PPRC1: variants seen among roughly 807,000 people sequenced by gnomAD.
PPRC1 encodes peroxisome proliferator-activated receptor gamma coactivator-related protein 1.
Under a neutral mutation model 132.5 loss-of-function variants are expected in PPRC1, and 23 were observed. The observed-to-expected ratio is 0.17, with a 90% CI of 0.12 to 0.25. The LOEUF (loss-of-function observed/expected upper bound fraction) is 0.25, where lower values mean the gene tolerates loss of function less well. Ranked by LOEUF, PPRC1 falls within the 10% of genes least tolerant of loss-of-function variation. The probability of loss-of-function intolerance (pLI) is 1.00; values close to 1 mark genes in which losing one functional copy is unlikely to be tolerated. For missense variants in PPRC1, 2,006 were observed against 2,089.1 expected (o/e 0.96, Z 0.78); for synonymous variants, 872 against 833.5 (o/e 1.05, Z -0.80).
the PPRC1 span, among the ~76,000 whole-genome samples, chr10:102,127,073 T>TA: frequency 2.6e-5 from 2 of 75,780 alleles, no homozygotes; most frequent in South Asian, 8.0e-4. Context: ...ATATATAAAT[T>TA]AAAAAAAAAT....
upstream of PPRC1, among the ~76,000 whole-genome samples, chr10:102,131,974 ATAATT>A (rs1219083063): frequency 6.6e-6 from 1 of 152,246 alleles, no homozygotes; most frequent in Middle Eastern, 3.2e-3. Context: ...CAACTTCAAT[ATAATT>A]TAAATAACAA....
intron 1 of PPRC1, among the ~76,000 whole-genome samples, chr10:102,135,993 T>C (rs904280804): frequency 6.6e-6 from 1 of 152,052 alleles, no homozygotes; most frequent in Non-Finnish European, 1.5e-5. Context: ...GGACACCTGA[T>C]GGAGGTGAAG....
intron 13 of PPRC1, 64 bp downstream of exon 13, chr10:102,149,393 C>G: frequency 6.7e-7 from 1 of 1,481,824 alleles, no homozygotes; most frequent in Non-Finnish European, 9.0e-7. Context: ...GGTTCCTAAC[C>G]CTTTGTGAGT....
At position 102,148,350 on chromosome 10, in the gene PPRC1, T is replaced by C. The variant is rs776767959; in HGVS notation, c.4401-22T>C. On this transcript the variant is annotated intron_variant, in intron 9 of 13. Transcript: ENST00000278070. The surrounding 1 kb of genome is among the most constrained non-coding windows in gnomAD (Gnocchi z 4.2). ...ATACCTGAACCACTCCCAGCATTCCTGCATGCCCTCTTATCCTTCAGGTCC... is the reference window on the plus strand; with the variant it reads ...ATACCTGAACCACTCCCAGCATTCCCGCATGCCCTCTTATCCTTCAGGTCC... 2.5e-6 allele frequency: 4 copies of C among 1,610,964 alleles called. No homozygotes were observed. Among genetic ancestry groups the C allele is most frequent in the South Asian group, 1.1e-5 (1 of 90,776 alleles).
rs751353952 is a variant in PPRC1, at chr10:102,138,663, G to A, written c.387G>A (p.Thr129=). Residue 129 remains threonine, a synonymous_variant, in exon 3 of 14, where the codon ACG becomes ACA. Coordinates refer to ENST00000278070, the MANE Select transcript of PPRC1 (RefSeq NM_015062.5). ...ACCAGAATGAAGTGTCGCTGCTCAC[G>A]GCTCTGACGGAGATCTTGGACAATG... ...LEDQNEVSLL[T]ALTEILDNAD... The A allele has an allele frequency of 6.2e-6, 10 of 1,614,208 alleles. No homozygotes were observed. In the South Asian group the frequency reaches 8.8e-5, roughly 14 times the overall value.
At chr10:102,142,936 G>C in intron 5 of PPRC1, 109 bp from the exon 6 acceptor site, 2 of 943,522 alleles carry the variant, frequency 2.1e-6, no homozygotes, top group Admixed American at 4.4e-5. Flanking sequence ...TTAGTACAGA[G>C]GGCAGGGGGA....
chr10:102,141,040 T>C lies in PPRC1; in HGVS notation c.2532T>C (p.Thr844=). The C allele has an allele frequency of 6.2e-7, 1 of 1,614,176 alleles. No homozygotes were observed. Among genetic ancestry groups the C allele is most frequent in the Non-Finnish European group, 8.5e-7 (1 of 1,180,026 alleles). Residue 844 remains threonine (T), a synonymous_variant, in exon 5 of 14, where the codon ACT becomes ACC. Coordinates refer to ENST00000278070, the MANE Select transcript of PPRC1 (RefSeq NM_015062.5). ...PVSKPVASSP[T]EQVPSQEMPL... ...GCAAACCTGTGGCCTCATCTCCCAC[T>C]GAGCAGGTGCCATCCCAGGAGATGC...
chr10:102,125,213 C>T, the PPRC1 span, among the ~76,000 whole-genome samples: 1 of 151,984 alleles, frequency 6.6e-6, no homozygotes, highest in African/African-American at 2.4e-5. Context: ...GCCTCAGCCT[C>T]CCAAGTAGCT....
In PPRC1 at chr10:102,145,014, C is replaced by A; in HGVS notation, c.3609-6C>A. On this transcript the variant is annotated splice_region_variant and splice_polypyrimidine_tract_variant and intron_variant, in intron 7 of 13. Transcript: ENST00000278070. ...AATCAGGCTTTCCCTTTTCCCCCCCCGCCAGCGGCGTTGACATTCCCCAGG... is the reference window on the plus strand; with the variant it reads ...AATCAGGCTTTCCCTTTTCCCCCCCAGCCAGCGGCGTTGACATTCCCCAGG... The A allele has an allele frequency of 6.4e-7, 1 of 1,565,830 alleles. No homozygotes were observed. The highest frequency in any genetic ancestry group is 8.7e-7 in the Non-Finnish European group (1 of 1,154,896).
At chr10:102,128,713 CCT>C (rs1228891947), upstream of PPRC1, among the ~76,000 whole-genome samples, 2 of 148,708 alleles carry the variant, frequency 1.3e-5, no homozygotes. Context: ...CCTGGGTTCA[CCT>C]GCCATTCTCC....
In PPRC1 at chr10:102,150,076, ACCT is replaced by A. The variant is rs778966263; in HGVS notation, c.*53_*55del. On this transcript the variant is annotated 3_prime_UTR_variant, in exon 14 of 14. Coordinates refer to ENST00000278070, the MANE Select transcript of PPRC1 (RefSeq NM_015062.5). ...CCTTTTTCTCCTTTGGAGGTGCCCA[ACCT>A]CCTCCACCCCCTTCCCCTACTCTAG... The A allele has an allele frequency of 7.2e-7, 1 of 1,386,716 alleles. No homozygotes were observed. Among genetic ancestry groups the A allele is most frequent in the African/African-American group, 1.4e-5 (1 of 70,312 alleles). 85.9% of individuals were successfully genotyped at this position (1,386,716 alleles called of 1,614,324 possible).
chr10:102,131,713 T>C (rs530463153), upstream of PPRC1, among the ~76,000 whole-genome samples: 145 of 152,354 alleles, frequency 9.5e-4, no homozygotes, highest in Non-Finnish European at 1.8e-3. Flanking sequence ...GTTGGAGTGC[T>C]GTGGCATGAT....
chr10:102,120,903 G>A, the PPRC1 span, among the ~76,000 whole-genome samples: 3 of 152,274 alleles, frequency 2.0e-5, no homozygotes, highest in South Asian at 2.1e-4. Context: ...CCCCCTGTCC[G>A]TGCTCCCTGC....
chr10:102,146,609 C>T (rs1162677366), intron 8 of PPRC1, 63 bp from the exon 9 acceptor site: 13 of 1,528,350 alleles, frequency 8.5e-6, no homozygotes, highest in Middle Eastern at 2.4e-4. Flanking sequence ...GCTATATACA[C>T]GGTATTTGGA....
In PPRC1 at chr10:102,140,503, A is replaced by G; in HGVS notation, c.1995A>G (p.Pro665=). The part of the protein sequence containing the change: ...PVDAVPSGPA[P]VDLALVDPVP... ...ATGCTGTCCCGTCTGGCCCAGCACC[A>G]GTTGATCTAGCACTGGTTGACCCTG... The change falls in exon 5 of 14, where the codon CCA becomes CCG. Residue 665 remains proline (P), a synonymous_variant. Transcript: ENST00000278070. The G allele has an allele frequency of 6.2e-7, 1 of 1,614,156 alleles. No homozygotes were observed. The highest frequency in any genetic ancestry group is 8.5e-7 in the Non-Finnish European group (1 of 1,180,018).
At chr10:102,128,964 C>G (rs1399682269), upstream of PPRC1, among the ~76,000 whole-genome samples, 2 of 106,368 alleles carry the variant, frequency 1.9e-5, no homozygotes, top group Non-Finnish European at 1.8e-5. Context: ...GAGTCTCGCT[C>G]TGTCACCCAG....
At chr10:102,130,909 A>G (rs182038986), upstream of PPRC1, among the ~76,000 whole-genome samples, 63 of 151,314 alleles carry the variant, frequency 4.2e-4, no homozygotes, top group Middle Eastern at 3.4e-3. Flanking sequence ...TTAGCTGGGC[A>G]TGGCCAGGCG....
At chr10:102,128,378 A>G (rs931729737), upstream of PPRC1, among the ~76,000 whole-genome samples, 7 of 151,598 alleles carry the variant, frequency 4.6e-5, no homozygotes, top group African/African-American at 1.7e-4. Flanking sequence ...GACCTCCCAC[A>G]TTTGATCTGC....
chr10:102,144,250 C>T lies in PPRC1; in HGVS notation c.3551C>T (p.Ala1184Val), dbSNP rs758322825. 3.0e-5 allele frequency: 49 copies of T among 1,614,016 alleles called. 1 individual carries two copies. In the Middle Eastern group the frequency reaches 3.5e-3, roughly 114 times the overall value. The part of the protein sequence containing the change: ...SLLEQFEKSE[A>V]KKECPPPAPA... The stretch of plus-strand genomic sequence containing the variant: ...TTTAACTAGTATGGTTTCTTTGCAG[C>T]CAAAAAGGAGTGTCCTCCTCCGGCT... The change falls in exon 7 of 14, where the codon GCC (alanine) becomes GTC (valine). Residue 1184 changes from alanine (A) to valine (V), a missense_variant and splice_region_variant. Physicochemically the swap from Ala to Val is moderately conservative, Grantham distance 64 (BLOSUM62 0). Coordinates refer to ENST00000278070, the MANE Select transcript of PPRC1 (RefSeq NM_015062.5).
Sources: gnomAD v4.1 joint callset for allele counts (sites outside exome capture counted in the v4.1 genomes callset) on GRCh38, gnomAD v4.1.1 for gene constraint, Gnocchi (gnomAD v3.1) non-coding constraint, MANE v1.5 for transcripts, NCBI Gene and HGNC (gene_info 2026-07-23, HGNC 2026-07-21) for gene names.